Variants in FSIP2 observed in about 807,000 individuals in gnomAD.
The protein encoded by FSIP2 is fibrous sheath interacting protein 2.
FSIP2 carries 367 observed loss-of-function variants against 510.5 expected under a neutral mutation model. That is an observed-to-expected ratio of 0.72 (90% CI 0.66 to 0.78). FSIP2 has a LOEUF of 0.78. FSIP2 is among the 30% of genes least tolerant of loss of function. The pLI is 0.00. For synonymous variants in FSIP2, 2,601 were observed against 2,732.2 expected, an observed-to-expected ratio of 0.95 and a Z score of 1.50; for missense variants, 7,594 against 7,901.7, an observed-to-expected ratio of 0.96 and a Z score of 1.48.
Position 185,789,257 on chromosome 2 carries a change from T to A in FSIP2, c.2121T>A (p.Ile707=), listed in dbSNP as rs1189647640. 6.5e-7 allele frequency: 1 copy of A among 1,534,602 alleles called. No individual in the cohort carries two copies. The highest frequency in any genetic ancestry group is 2.4e-5 in the East Asian group (1 of 40,866). The change falls in exon 16 of 23, where the codon ATT becomes ATA. Residue 707 remains isoleucine, a synonymous_variant. Transcript: ENST00000424728. ...ACTTGAAAGGGGAAACTGAAGTGAT[T>A]TTAGAAAGCATTTTGCGAGAAATAA... ...KCYLKGETEV[I]LESILREIMS...
At chr2:185,777,014 G>A (rs1692739543) in intron 13 of FSIP2, among the ~76,000 whole-genome samples, 1 of 152,100 alleles carries the variant, frequency 6.6e-6, no homozygotes, top group Non-Finnish European at 1.5e-5. Context: ...GTGAGCCACC[G>A]TGCCTGGCCA....
rs1211284081 is a variant in FSIP2, at chr2:185,806,940, A to T, written c.17634A>T (p.Ala5878=). The stretch of plus-strand genomic sequence containing the variant: ...ATAAAGAGCCAACTACAGATGAAGC[A>T]CCATCCAGCATTAAGATAAAATCTG... The part of the protein sequence containing the change: ...PRYKEPTTDE[A]PSSIKIKSAD... The change falls in exon 17 of 23, where the codon GCA becomes GCT. Residue 5878 remains alanine, a synonymous_variant. Coordinates refer to ENST00000424728, the MANE Select transcript of FSIP2 (RefSeq NM_173651.4). 3.1e-6 allele frequency: 5 copies of T among 1,611,522 alleles called. No homozygotes were observed. In the Admixed American group the frequency reaches 8.4e-5, roughly 27 times the overall value.
intron 7 of FSIP2, among the ~76,000 whole-genome samples, chr2:185,747,766 C>T (rs1450353715): frequency 6.6e-6 from 1 of 151,814 alleles, no homozygotes; most frequent in Non-Finnish European, 1.5e-5. Flanking sequence ...TTTAGCTTAA[C>T]TTTTTATCTT....
intron 3 of FSIP2, 61 bp from the exon 4 acceptor site, chr2:185,744,261 A>G (rs1691981761): frequency 3.3e-6 from 1 of 298,810 alleles, no homozygotes; most frequent in Non-Finnish European, 5.9e-6. Context: ...TAAAATATTT[A>G]TATAATATTA....
intron 13 of FSIP2, among the ~76,000 whole-genome samples, chr2:185,778,508 G>A (rs915418848): frequency 1.3e-5 from 2 of 151,818 alleles, no homozygotes; most frequent in Non-Finnish European, 2.9e-5. Context: ...CCATGAGTTA[G>A]TTGTTAAATT....
At chr2:185,798,965 A>G (rs886085265) in intron 16 of FSIP2, among the ~76,000 whole-genome samples, 5 of 151,828 alleles carry the variant, frequency 3.3e-5, no homozygotes, top group African/African-American at 1.2e-4. Flanking sequence ...ATCTGTGTAG[A>G]GTCTTGCCTG....
intron 15 of FSIP2, among the ~76,000 whole-genome samples, chr2:185,787,216 C>A (rs1242131763): frequency 8.1e-6 from 1 of 123,898 alleles, no homozygotes; most frequent in Non-Finnish European, 1.7e-5. Flanking sequence ...TTATTTAAGA[C>A]ATGTATTTTA....
rs752712197 is a variant in FSIP2 at position 185,813,545 on chromosome 2, G to T, written c.19828G>T (p.Ala6610Ser). The T allele has an allele frequency of 3.0e-5, 45 of 1,512,064 alleles. No homozygotes were observed. The highest frequency in any genetic ancestry group is 3.8e-5 in the Non-Finnish European group (43 of 1,131,326). 93.7% of individuals were successfully genotyped at this position (1,512,064 alleles called of 1,614,324 possible). A position where few individuals can be genotyped will look rare whatever the true frequency, so the allele number is the denominator to read the frequency against. Residue 6610 changes from alanine to serine, a missense_variant and splice_region_variant, in exon 18 of 23, where the codon GCC (alanine) becomes TCC (serine). Transcript: ENST00000424728. Reference sequence around the variant, plus strand: ...ATATTTGCTATACCTTTAATTTCAGGCCGTTGCTAGAAATTCATTTCAGAA... The same window carrying T: ...ATATTTGCTATACCTTTAATTTCAGTCCGTTGCTAGAAATTCATTTCAGAA... ...TGRLDVKPLE[A>S]VARNSFQNIR...
At chr2:185,772,723 C>T (rs1377303548) in intron 13 of FSIP2, among the ~76,000 whole-genome samples, 2 of 152,126 alleles carry the variant, frequency 1.3e-5, no homozygotes, top group Non-Finnish European at 2.9e-5. Context: ...ACATCCAAAC[C>T]ATGTCACTGA....
chr2:185,815,357 T>C lies in FSIP2; in HGVS notation c.20326-14T>C, dbSNP rs763767413. ...AACTCCATTTAGTGTAATAGCTGAT[T>C]TGTCCTTTTCCAGAAAGAAGAAAAG... On this transcript the variant is annotated splice_polypyrimidine_tract_variant and intron_variant, in intron 18 of 22. Transcript: ENST00000424728. 3.4e-6 allele frequency: 4 copies of C among 1,169,866 alleles called. No individual in the cohort carries two copies. The highest frequency in any genetic ancestry group is 1.9e-4 in the Middle Eastern group (1 of 5,172). 72.5% of individuals were successfully genotyped at this position (1,169,866 alleles called of 1,614,324 possible).
chr2:185,753,057 G>A (rs1034753331), intron 7 of FSIP2, among the ~76,000 whole-genome samples: 24 of 151,160 alleles, frequency 1.6e-4, no homozygotes, highest in Admixed American at 2.7e-4. Flanking sequence ...ATCCATCTTA[G>A]TACTCTACTC....
chr2:185,794,356 A>G lies in FSIP2; in HGVS notation c.7220A>G (p.Lys2407Arg). The G allele has an allele frequency of 3.3e-6, 5 of 1,516,138 alleles. No individual in the cohort carries two copies. The highest frequency in any genetic ancestry group is 4.4e-6 in the Non-Finnish European group (5 of 1,138,616). The allele number at this position is 1,516,138 out of a possible 1,614,324, so 93.9% of individuals were successfully genotyped here. ...ATGTTAGATGATAAAAGATCTGTAA[A>G]GGAAATTTGTTTTAATTCAAAAGAA... ...LKMLDDKRSVKEICFNSKENS... is the reference protein window; with the variant it reads ...LKMLDDKRSVREICFNSKENS... Residue 2407 changes from lysine to arginine, a missense_variant, in exon 16 of 23, where the codon AAG becomes AGG. By Grantham distance (26) the Lys-to-Arg change is conservative. Transcript: ENST00000424728.
chr2:185,768,586 GTTTTA>G (rs1472818474), intron 13 of FSIP2, among the ~76,000 whole-genome samples: 1 of 151,674 alleles, frequency 6.6e-6, no homozygotes, highest in African/African-American at 2.4e-5. Flanking sequence ...TATTTATGTT[GTTTTA>G]TTTTATTTTT....
At position 185,807,554 on chromosome 2, in the gene FSIP2, T is replaced by C. The variant is rs890305735; in HGVS notation, c.18248T>C (p.Leu6083Ser). 1 of 1,611,444 alleles carries C rather than the reference T, an allele frequency of 6.2e-7. No individual in the cohort carries two copies. Among genetic ancestry groups the C allele is most frequent in the African/African-American group, 1.3e-5 (1 of 74,762 alleles). ...TCTGATGATGATGAAATTATTCAAT[T>C]AGTGGTTCAGTCTGTTTATAATAAT... ...LQSDDDEIIQ[L>S]VVQSVYNNLL... Residue 6083 changes from leucine to serine, a missense_variant, in exon 17 of 23, where the codon TTA becomes TCA. Coordinates refer to ENST00000424728, the MANE Select transcript of FSIP2 (RefSeq NM_173651.4).
intron 18 of FSIP2, among the ~76,000 whole-genome samples, chr2:185,814,792 T>C (rs941494017): frequency 2.6e-5 from 4 of 152,218 alleles, no homozygotes; most frequent in Admixed American, 1.3e-4. Flanking sequence ...ACTGGATACA[T>C]GAAATTCCAT....
Position 185,793,870 on chromosome 2 carries a change from C to T in FSIP2, c.6734C>T (p.Ser2245Leu), listed in dbSNP as rs539273383. 2 of 1,530,796 alleles carry T rather than the reference C, an allele frequency of 1.3e-6. No homozygotes were observed. Among genetic ancestry groups the T allele is most frequent in the Admixed American group, 2.0e-5 (1 of 50,506 alleles). The allele number at this position is 1,530,796 out of a possible 1,614,324, so 94.8% of individuals were successfully genotyped here. ...GACACTCAGAAATCTGCTACTGACT[C>T]ATGTGAGGAAAATGCTAACTTCATT... ...KEDTQKSATD[S>L]CEENANFITK... The change falls in exon 16 of 23, where the codon TCA becomes TTA. Residue 2245 changes from serine to leucine, a missense_variant. Physicochemically the swap from Ser to Leu is moderately radical, Grantham distance 145 (BLOSUM62 -2). Coordinates refer to ENST00000424728, the MANE Select transcript of FSIP2 (RefSeq NM_173651.4).
In FSIP2 at chr2:185,791,777, G is replaced by A; in HGVS notation, c.4641G>A (p.Glu1547=). ...ISSIVSRRVQ[E]DNKEETKSKA... is the part of the protein sequence containing the mutation. The stretch of plus-strand genomic sequence containing the variant: ...GCATAGTTTCCAGAAGGGTTCAGGA[G>A]GACAATAAAGAAGAGACTAAAAGCA... Residue 1547 remains glutamate, a synonymous_variant, in exon 16 of 23, where the codon GAG becomes GAA. Transcript: ENST00000424728. 2 of 1,534,434 alleles carry A rather than the reference G, an allele frequency of 1.3e-6. No homozygotes were observed. Among genetic ancestry groups the A allele is most frequent in the East Asian group, 2.4e-5 (1 of 40,848 alleles).
chr2:185,802,058 T>A lies in FSIP2; in HGVS notation c.12752T>A (p.Ile4251Asn), dbSNP rs1693452301. 6.5e-7 allele frequency: 1 copy of A among 1,533,218 alleles called. No individual in the cohort carries two copies. Among genetic ancestry groups the A allele is most frequent in the Non-Finnish European group, 8.7e-7 (1 of 1,145,134 alleles). 95.0% of individuals were successfully genotyped at this position (1,533,218 alleles called of 1,614,324 possible). A position where few individuals can be genotyped will look rare whatever the true frequency, so the allele number is the denominator to read the frequency against. ...IMIDQIASFI[I>N]QEIIENHLQP... ...ATTGACCAAATAGCCAGCTTTATCA[T>A]CCAAGAGATTATCGAAAATCATCTT... The change falls in exon 17 of 23, where the codon ATC (isoleucine) becomes AAC (asparagine). Residue 4251 changes from isoleucine to asparagine, a missense_variant. Ile to Asn is a moderately radical substitution (Grantham distance 149). Transcript: ENST00000424728.
chr2:185,825,324 T>C (rs1040185713), intron 20 of FSIP2, among the ~76,000 whole-genome samples: 2 of 151,782 alleles, frequency 1.3e-5, no homozygotes, highest in African/African-American at 2.4e-5. Flanking sequence ...ATACTCATTT[T>C]ATAGATGAGG....
Sources: allele counts gnomAD v4.1 joint callset (sites outside exome capture counted in the v4.1 genomes callset), GRCh38; gene constraint gnomAD v4.1.1; transcripts MANE v1.5; gene names NCBI Gene and HGNC (gene_info 2026-07-23, HGNC 2026-07-21).